Variants in RAD51C observed in about 807,000 individuals in gnomAD.
RAD51C encodes the protein DNA repair protein RAD51 homolog 3.
In RAD51C, 42 loss-of-function variants were observed where a neutral mutation model predicts 45.0. That is an observed-to-expected ratio of 0.93 (90% CI 0.73 to 1.21). The LOEUF (loss-of-function observed/expected upper bound fraction) is 1.21. RAD51C is among the 50% of genes most tolerant of loss of function. The pLI, the probability that RAD51C is intolerant of heterozygous loss-of-function variation, is 0.00. For missense variants in RAD51C, 474 were observed against 452.2 expected, an observed-to-expected ratio of 1.05 and a Z score of -0.44; for synonymous variants, 172 against 159.8, an observed-to-expected ratio of 1.08 and a Z score of -0.58.
chr17:58,695,273 A>G (rs2143730160), intron 2 of RAD51C, 84 bp downstream of exon 2: 1 of 1,493,526 alleles, frequency 6.7e-7, no homozygotes, highest in Non-Finnish European at 8.9e-7. Context: ...AGGAAACCAA[A>G]TAAGATATAT....
chr17:58,724,159 C>T, intron 7 of RAD51C, 59 bp downstream of exon 7: 1 of 1,501,976 alleles, frequency 6.7e-7, no homozygotes, highest in South Asian at 1.1e-5. Context: ...TGAATGAACA[C>T]TTACAGGTTT....
At chr17:58,715,681 T>C (rs1459593159) in intron 5 of RAD51C, among the ~76,000 whole-genome samples, 1 of 152,196 alleles carries the variant, frequency 6.6e-6, no homozygotes, top group Non-Finnish European at 1.5e-5. Context: ...AGTATCTTTT[T>C]AATGACTAAT....
intron 5 of RAD51C, among the ~76,000 whole-genome samples, chr17:58,715,254 C>T (rs995752486): frequency 2.0e-5 from 3 of 151,926 alleles, no homozygotes; most frequent in Admixed American, 6.6e-5. Context: ...GAGTTCACAA[C>T]CAGCCTGGCC....
chr17:58,724,465 A>G (rs568301872), intron 7 of RAD51C, among the ~76,000 whole-genome samples: 1 of 152,206 alleles, frequency 6.6e-6, no homozygotes, highest in South Asian at 2.1e-4. Context: ...AATCAGGACA[A>G]AAGGAAAATT....
chr17:58,695,120 G>T lies in RAD51C; in HGVS notation c.335G>T (p.Gly112Val), dbSNP rs370212314. Residue 112 changes from glycine (G) to valine (V), a missense_variant, in exon 2 of 9, where the codon GGG (glycine) becomes GTG (valine). Transcript: ENST00000337432. ...TFCSALDDIL[G>V]GGVPLMKTTE... ...TGTTCAGCACTAGATGATATTCTTGGGGGTGGAGTGCCCTTAATGAAAACA... is the reference window on the plus strand; with the variant it reads ...TGTTCAGCACTAGATGATATTCTTGTGGGTGGAGTGCCCTTAATGAAAACA... 1 of 1,614,062 alleles carries T rather than the reference G, an allele frequency of 6.2e-7. No individual in the cohort carries two copies. The highest frequency in any genetic ancestry group is 8.5e-7 in the Non-Finnish European group (1 of 1,180,018).
rs1060502601 is a variant in RAD51C at position 58,709,883 on chromosome 17, AT to A, written c.732del (p.Ile244MetfsTer9). On this transcript the variant is annotated frameshift_variant, in exon 5 of 9. Coordinates refer to ENST00000337432, the MANE Select transcript of RAD51C (RefSeq NM_058216.3). LOFTEE classifies it high-confidence loss of function. ...SKVRLVIVDG[I>X]AFPFRHDLDD... ...GGTTCGACTAGTGATAGTGGATGGT[AT>A]TGCTTTTCCATTTCGTCATGACCTA... 5 of 1,609,758 alleles carry A rather than the reference AT, an allele frequency of 3.1e-6. No homozygotes were observed. The highest frequency in any genetic ancestry group is 4.3e-6 in the Non-Finnish European group (5 of 1,176,170).
chr17:58,714,626 T>C (rs974211878), intron 5 of RAD51C, among the ~76,000 whole-genome samples: 15 of 151,918 alleles, frequency 9.9e-5, no homozygotes, highest in African/African-American at 3.4e-4. Context: ...GCCCGGCTAA[T>C]TTTTTATATT....
At chr17:58,702,858 A>C (rs1204820721) in intron 3 of RAD51C, among the ~76,000 whole-genome samples, 2 of 152,182 alleles carry the variant, frequency 1.3e-5, no homozygotes, top group South Asian at 2.1e-4. Flanking sequence ...GTGAGACCTT[A>C]TCTCTAAACA....
chr17:58,733,940 A>C (rs909301512), intron 8 of RAD51C, among the ~76,000 whole-genome samples, 178 bp from the exon 9 acceptor site: 11 of 150,724 alleles, frequency 7.3e-5, no homozygotes, highest in African/African-American at 2.2e-4. Context: ...CTGGTCTTGA[A>C]CTCCTGACCT....
chr17:58,702,641 C>T (rs1298729058), intron 3 of RAD51C, among the ~76,000 whole-genome samples: 1 of 150,948 alleles, frequency 6.6e-6, no homozygotes, highest in Non-Finnish European at 1.5e-5. Flanking sequence ...TGCAGTGTGC[C>T]AAGATCGCAT....
In RAD51C at chr17:58,732,247, T is replaced by TA. The variant is rs766082364; in HGVS notation, c.966-237_966-236insA. On this transcript the variant is annotated intron_variant, in intron 7 of 8. Coordinates refer to ENST00000337432, the MANE Select transcript of RAD51C (RefSeq NM_058216.3). Reference sequence around the variant, plus strand: ...ATCTCATCATATGTAAAATAATTTATTTGAATCAGTCATTGGACTTTTAGG... The same window carrying TA: ...ATCTCATCATATGTAAAATAATTTATATTGAATCAGTCATTGGACTTTTAGG... 131 of 412,974 alleles carry TA rather than the reference T, an allele frequency of 3.2e-4. 1 individual carries two copies. The highest frequency in any genetic ancestry group is 5.1e-4 in the Non-Finnish European group (117 of 229,126). 25.6% of individuals were successfully genotyped at this position (412,974 alleles called of 1,614,324 possible).
chr17:58,710,317 TAAAAAAAAAAA>T (rs71143280), intron 5 of RAD51C, among the ~76,000 whole-genome samples: 1 of 67,416 alleles, frequency 1.5e-5, no homozygotes, highest in African/African-American at 6.3e-5. Context: ...CTGTCTCTAC[TAAAAAAAAAAA>T]AAAAAAAAAA....
chr17:58,696,624 T>C (rs2048018244), intron 2 of RAD51C, 69 bp from the exon 3 acceptor site: 19 of 1,590,430 alleles, frequency 1.2e-5, no homozygotes, highest in East Asian at 2.2e-5. Context: ...CTTGTCATTA[T>C]CTGGAGTTCA....
At chr17:58,693,309 T>C (rs1448975002) in intron 1 of RAD51C, 1 of 167,224 alleles carries the variant, frequency 6.0e-6, no homozygotes, top group Non-Finnish European at 1.3e-5. Context: ...AAGAATATTC[T>C]CTTACGTAAT....
chr17:58,716,813 C>A (rs1319092763), intron 5 of RAD51C, among the ~76,000 whole-genome samples: 8 of 149,938 alleles, frequency 5.3e-5, no homozygotes, highest in Admixed American at 4.0e-4. Flanking sequence ...CTCTGTCACC[C>A]AGGCTGGAGT....
chr17:58,694,861 ACAAT>A, intron 1 of RAD51C, 66 bp from the exon 2 acceptor site: 1 of 1,336,658 alleles, frequency 7.5e-7, no homozygotes, highest in Non-Finnish European at 1.1e-6. Context: ...ATTAATAAAG[ACAAT>A]CGATTATCAT....
chr17:58,732,744 A>G, intron 8 of RAD51C, 200 bp downstream of exon 8: 1 of 573,720 alleles, frequency 1.7e-6, no homozygotes, highest in African/African-American at 1.9e-5. Flanking sequence ...TTTATTCTTA[A>G]GAGCAGAGGA....
At chr17:58,694,290 G>A (rs973953307) in intron 1 of RAD51C, 3 of 152,858 alleles carry the variant, frequency 2.0e-5, no homozygotes, top group Non-Finnish European at 4.4e-5. Context: ...TATACCTTAT[G>A]AGAGCGAGAT....
At chr17:58,698,851 G>T (rs2048111019) in intron 3 of RAD51C, among the ~76,000 whole-genome samples, 1 of 150,270 alleles carries the variant, frequency 6.7e-6, no homozygotes, top group Non-Finnish European at 1.5e-5. Context: ...GAACCCAGGA[G>T]GCGGAGGTTG....
Sources: gnomAD v4.1 joint callset for allele counts (sites outside exome capture counted in the v4.1 genomes callset) on GRCh38, gnomAD v4.1.1 for gene constraint, MANE v1.5 for transcripts, NCBI Gene and HGNC (gene_info 2026-07-23, HGNC 2026-07-21) for gene names.